The following CTTNBP2 variants were observed in gnomAD, a reference collection of about 807,000 sequenced individuals.
The protein encoded by CTTNBP2 is cortactin binding protein 2, also known as cortactin-binding protein 2.
A neutral mutation model predicts 156.9 loss-of-function variants in CTTNBP2; 108 were observed. The ratio of observed to expected loss-of-function variants is 0.69; its 90% CI spans 0.59 to 0.81. The LOEUF is 0.81. Ranked by LOEUF, CTTNBP2 falls within the 30% of genes least tolerant of loss-of-function variation. The pLI, the probability that CTTNBP2 is intolerant of heterozygous loss-of-function variation, is 0.00. For missense variants in CTTNBP2, 1,924 were observed against 2,035.4 expected, an observed-to-expected ratio of 0.95 and a Z score of 1.05; for synonymous variants, 767 against 751.8, an observed-to-expected ratio of 1.02 and a Z score of -0.33.
intron 17 of CTTNBP2, among the ~76,000 whole-genome samples, chr7:117,726,300 C>G (rs1182881745): frequency 6.6e-6 from 1 of 152,180 alleles, no homozygotes; most frequent in African/African-American, 2.4e-5. Flanking sequence ...ATAAAACTTT[C>G]AAGAATTGTC....
rs1202995926 is a variant in CTTNBP2 at position 117,787,962 on chromosome 7, ATAT to A, written c.2068+3163_2068+3165del. Among the ~76,000 whole-genome samples the A allele has an allele frequency of 1.1e-4, 16 of 152,174 alleles. No homozygotes were observed. The East Asian group carries it at 2.1e-3, about 20-fold the overall frequency. On this transcript the variant is annotated intron_variant, in intron 4 of 22. Transcript: ENST00000160373. ...AGTTTAAATCTTTTTTTGTTCGGGA[ATAT>A]TATTATATAATTTTGGTTTAATGTT...
Position 117,838,629 on chromosome 7 carries a change from A to G in CTTNBP2, c.189+22580T>C, listed in dbSNP as rs1006232142. ...AATTCAGTCATTTTAACAACTGACC[A>G]GCTATTTAACAAATGATCCAGCTTG... On this transcript the variant is annotated intron_variant, in intron 2 of 22. Coordinates refer to ENST00000160373, the MANE Select transcript of CTTNBP2 (RefSeq NM_033427.3). 2.6e-5 allele frequency among the ~76,000 whole-genome samples: 4 copies of G among 152,234 alleles called. No individual in the cohort carries two copies. In the South Asian group the frequency reaches 8.3e-4, roughly 31 times the overall value.
At chr7:117,740,925 G>A (rs1325839209) in intron 14 of CTTNBP2, among the ~76,000 whole-genome samples, 1 of 152,194 alleles carries the variant, frequency 6.6e-6, no homozygotes, top group Non-Finnish European at 1.5e-5. Context: ...TGAGAAGACG[G>A]CAGTGGAGGT....
intron 16 of CTTNBP2, among the ~76,000 whole-genome samples, chr7:117,732,982 ATAAT>A (rs1795489096): frequency 6.6e-6 from 1 of 152,244 alleles, no homozygotes; most frequent in Admixed American, 6.5e-5. Context: ...TATGTATTAC[ATAAT>A]TAATGATAGT....
At chr7:117,855,123 CT>C (rs1803208415) in intron 2 of CTTNBP2, among the ~76,000 whole-genome samples, 1 of 152,094 alleles carries the variant, frequency 6.6e-6, no homozygotes, top group Admixed American at 6.5e-5. Context: ...TTAAATCTGC[CT>C]GTCCCAAGGC....
chr7:117,831,660 C>G (rs1032446297), intron 2 of CTTNBP2, among the ~76,000 whole-genome samples: 1 of 143,596 alleles, frequency 7.0e-6, no homozygotes, highest in Admixed American at 7.3e-5. Context: ...CAAGACTTGA[C>G]AGTTTCAATG....
intron 9 of CTTNBP2, among the ~76,000 whole-genome samples, chr7:117,762,299 T>C (rs151242034): frequency 2.6e-4 from 39 of 152,296 alleles, no homozygotes; most frequent in Non-Finnish European, 4.9e-4. Flanking sequence ...CTAAGAGACA[T>C]CTCAAATTCC....
intron 9 of CTTNBP2, among the ~76,000 whole-genome samples, chr7:117,761,492 T>C (rs977022513): frequency 5.3e-5 from 8 of 152,360 alleles, no homozygotes; most frequent in South Asian, 2.1e-4. Context: ...TCTATGTTCA[T>C]TGAACTGATG....
chr7:117,720,529 A>G (rs1344178167), intron 20 of CTTNBP2, among the ~76,000 whole-genome samples: 1 of 152,142 alleles, frequency 6.6e-6, no homozygotes, highest in Admixed American at 6.5e-5. Flanking sequence ...CGCCGTCTCT[A>G]CTAAAAATAC....
intron 20 of CTTNBP2, among the ~76,000 whole-genome samples, chr7:117,720,264 G>A (rs1024150258): frequency 6.6e-6 from 1 of 152,122 alleles, no homozygotes; most frequent in African/African-American, 2.4e-5. Context: ...CCAAGTGACA[G>A]GGCACACAAT....
rs904448958 is a variant in CTTNBP2, at chr7:117,784,401, C to A, written c.2122G>T (p.Ala708Ser). The change falls in exon 5 of 23, where the codon GCT (alanine) becomes TCT (serine). Residue 708 changes from alanine to serine, a missense_variant. By Grantham distance (99) the Ala-to-Ser change is moderately conservative (BLOSUM62 1). Coordinates refer to ENST00000160373, the MANE Select transcript of CTTNBP2 (RefSeq NM_033427.3). ...TGCTGAAGAAGGGTGGGCCTGCCAG[C>A]CAGGGGGGCAGGACCACCACTCATT... Reference protein sequence around the residue: ...LLMSGGPAPLAGRPTLLQQAA... With the variant: ...LLMSGGPAPLSGRPTLLQQAA... 6.2e-6 allele frequency: 10 copies of A among 1,612,676 alleles called. No individual in the cohort carries two copies. The South Asian group carries it at 1.1e-4, about 18-fold the overall frequency.
intron 2 of CTTNBP2, among the ~76,000 whole-genome samples, chr7:117,825,097 G>A (rs1364638129): frequency 6.6e-6 from 1 of 152,174 alleles, no homozygotes; most frequent in Non-Finnish European, 1.5e-5. Context: ...CCAGGAGTCG[G>A]TGGGTAGACT....
At position 117,718,083 on chromosome 7, in the gene CTTNBP2, T is replaced by C. The variant is rs1164454985; in HGVS notation, c.4681A>G (p.Ser1561Gly). The stretch of plus-strand genomic sequence containing the variant: ...GAAAGTACAGGGTTGTTTCCAGAAC[T>C]ATCAAACATCCTTAAATCATCCCTG... ...DSRDDLRMFD[S>G]SGNNPVLSAT... The change falls in exon 22 of 23, where the codon AGT becomes GGT. Residue 1561 changes from serine (S) to glycine (G), a missense_variant. Ser to Gly is a moderately conservative substitution (Grantham distance 56). Coordinates refer to ENST00000160373, the MANE Select transcript of CTTNBP2 (RefSeq NM_033427.3). 10 of 1,613,320 alleles carry C rather than the reference T, an allele frequency of 6.2e-6. No homozygotes were observed. The East Asian group carries it at 2.2e-4, about 36-fold the overall frequency.
At position 117,734,928 on chromosome 7, in the gene CTTNBP2, C is replaced by A. The variant is rs748672952; in HGVS notation, c.3861G>T (p.Arg1287Ser). ...MQGLLQRFLR[R>S]KVVNKFKGQA... Reference sequence around the variant, plus strand: ...TGTTTGTTACCTTATTCACAACTTTCCTTCGTAAGAACCTCTGCAGCAGTC... The same window carrying A: ...TGTTTGTTACCTTATTCACAACTTTACTTCGTAAGAACCTCTGCAGCAGTC... Residue 1287 changes from arginine (R) to serine (S), a missense_variant, in exon 16 of 23, where the codon AGG (arginine) becomes AGT (serine). Physicochemically the swap from Arg to Ser is moderately radical, Grantham distance 110. Transcript: ENST00000160373. 6.3e-7 allele frequency: 1 copy of A among 1,593,656 alleles called. No homozygotes were observed. Among genetic ancestry groups the A allele is most frequent in the South Asian group, 1.1e-5 (1 of 89,480 alleles).
chr7:117,836,615 G>A (rs1376561714), intron 2 of CTTNBP2, among the ~76,000 whole-genome samples: 1 of 152,144 alleles, frequency 6.6e-6, no homozygotes, highest in African/African-American at 2.4e-5. Context: ...CTGATTGAGA[G>A]GGTTAAGAAA....
In CTTNBP2 at chr7:117,792,102, A is replaced by G; in HGVS notation, c.1094T>C (p.Leu365Ser). ...GAAAGCGGGTACAGAAGCGCCAATC[A>G]AGTCACCATAGGAAGCCTGCCTGTC... Reference protein sequence around the residue: ...GIDRQASYGDLIGASVPAFPP... With the variant: ...GIDRQASYGDSIGASVPAFPP... The change falls in exon 4 of 23, where the codon TTG (leucine) becomes TCG (serine). Residue 365 changes from leucine to serine, a missense_variant. Physicochemically the swap from Leu to Ser is moderately radical, Grantham distance 145. Transcript: ENST00000160373. The surrounding 1 kb of genome is among the most constrained non-coding windows in gnomAD (Gnocchi z 4.2). 6.2e-7 allele frequency: 1 copy of G among 1,614,134 alleles called. No individual in the cohort carries two copies. Among genetic ancestry groups the G allele is most frequent in the South Asian group, 1.1e-5 (1 of 91,068 alleles).
intron 2 of CTTNBP2, among the ~76,000 whole-genome samples, chr7:117,816,263 C>A (rs1800569523): frequency 6.6e-6 from 1 of 152,186 alleles, no homozygotes; most frequent in African/African-American, 2.4e-5. Context: ...GAGAGCAGTT[C>A]CAGGAGAACT....
intron 16 of CTTNBP2, among the ~76,000 whole-genome samples, chr7:117,734,389 T>C (rs983563784): frequency 6.6e-6 from 1 of 152,240 alleles, no homozygotes; most frequent in Non-Finnish European, 1.5e-5. Context: ...ATGTATTCGA[T>C]TTGGTCAGCT....
At position 117,710,756 on chromosome 7, in the gene CTTNBP2, TATC is replaced by T. The variant is rs746024616; in HGVS notation, c.*778_*780del. The T allele has an allele frequency of 1.4e-5, 2 of 148,054 alleles. No homozygotes were observed. The highest frequency in any genetic ancestry group is 6.7e-5 in the Admixed American group (1 of 14,850). The allele number at this position is 148,054 out of a possible 1,614,324, so 9.2% of individuals were successfully genotyped here. A position where few individuals can be genotyped will look rare whatever the true frequency, so the allele number is the denominator to read the frequency against. On this transcript the variant is annotated 3_prime_UTR_variant, in exon 23 of 23. Coordinates refer to ENST00000160373, the MANE Select transcript of CTTNBP2 (RefSeq NM_033427.3). Reference sequence around the variant, plus strand: ...TAACATTTGTAGAAAATATCAATATTATCAGTTGTGCTACTAGAAATATTGAAG... The same window carrying T: ...TAACATTTGTAGAAAATATCAATATTAGTTGTGCTACTAGAAATATTGAAG...
Sources: allele counts gnomAD v4.1 joint callset (sites outside exome capture counted in the v4.1 genomes callset), GRCh38; gene constraint gnomAD v4.1.1; non-coding constraint Gnocchi (gnomAD v3.1); transcripts MANE v1.5; gene names NCBI Gene and HGNC (gene_info 2026-07-23, HGNC 2026-07-21).